The following ANXA8 variants were observed in gnomAD, a reference collection of about 807,000 sequenced individuals.
ANXA8 encodes the protein VAC-beta.
ANXA8 carries 9 observed loss-of-function variants against 26.8 expected under a neutral mutation model. That is an observed-to-expected ratio of 0.34 (90% CI 0.20 to 0.59). The LOEUF is 0.59. Ranked by LOEUF, ANXA8 falls within the 20% of genes least tolerant of loss-of-function variation. The probability of loss-of-function intolerance (pLI) is 0.84; values close to 1 mark genes in which losing one functional copy is unlikely to be tolerated. For synonymous variants in ANXA8, 39 were observed against 94.8 expected, an observed-to-expected ratio of 0.41 and a Z score of 3.42; for missense variants, 83 against 238.5, an observed-to-expected ratio of 0.35 and a Z score of 4.29.
the ANXA8 span, among the ~76,000 whole-genome samples, chr10:47,670,459 G>A: frequency 2.6e-5 from 4 of 152,092 alleles, no homozygotes; most frequent in Non-Finnish European, 4.4e-5. Context: ...CTCAGTGACT[G>A]TACCATTTTA....
the ANXA8 span, among the ~76,000 whole-genome samples, chr10:47,613,418 GAGA>G: frequency 8.2e-6 from 1 of 121,474 alleles, no homozygotes; most frequent in East Asian, 2.1e-4. Context: ...ATCTGTATTG[GAGA>G]AGATGATAAA....
At chr10:47,577,224 C>CA in the ANXA8 span, among the ~76,000 whole-genome samples, 1,163 of 110,764 alleles carry the variant, frequency 0.01, 11 homozygotes, top group East Asian at 0.074. Flanking sequence ...GACTCCATCT[C>CA]AAAAAAAAAA....
the ANXA8 span, chr10:47,491,566 C>T: frequency 2.0e-6 from 3 of 1,494,738 alleles, no homozygotes; most frequent in Non-Finnish European, 2.7e-6. Context: ...CCCCAGATCC[C>T]CCCAGCCCAG....
chr10:47,563,841 A>C, the ANXA8 span, among the ~76,000 whole-genome samples: 1 of 151,954 alleles, frequency 6.6e-6, no homozygotes, highest in Non-Finnish European at 1.5e-5. Context: ...ATTACTCTAA[A>C]TTAAGATATA....
chr10:47,733,125 G>A, the ANXA8 span, among the ~76,000 whole-genome samples: 1 of 150,022 alleles, frequency 6.7e-6, no homozygotes, highest in Non-Finnish European at 1.5e-5. Flanking sequence ...TAAATTACCT[G>A]GTTACCCCAA....
chr10:47,587,213 A>AT, the ANXA8 span, among the ~76,000 whole-genome samples: 44 of 146,294 alleles, frequency 3.0e-4, no homozygotes, highest in African/African-American at 6.6e-4. Flanking sequence ...CAAAAAAAAA[A>AT]AAAATAAAAA....
chr10:47,491,541 C>T, the ANXA8 span: 1 of 1,384,930 alleles, frequency 7.2e-7, no homozygotes, highest in Middle Eastern at 2.6e-4. Flanking sequence ...ATCCGCCTCC[C>T]ACAGACCCAG....
At chr10:47,639,406 G>T in the ANXA8 span, among the ~76,000 whole-genome samples, 1 of 151,902 alleles carries the variant, frequency 6.6e-6, no homozygotes, top group African/African-American at 2.4e-5. Flanking sequence ...TTCGCCTCCC[G>T]GGTTCACGCC....
the ANXA8 span, among the ~76,000 whole-genome samples, chr10:47,498,281 C>G: frequency 4.4e-4 from 66 of 148,744 alleles, 1 homozygote; most frequent in African/African-American, 1.6e-3. Flanking sequence ...GCTTATTTCA[C>G]TTAGCGTAAT....
chr10:47,511,039 G>A, the ANXA8 span, among the ~76,000 whole-genome samples: 2 of 126,460 alleles, frequency 1.6e-5, no homozygotes, highest in Admixed American at 8.2e-5. Context: ...CGCCTCCCGG[G>A]TTCACGCCAT....
chr10:47,700,198 A>T, the ANXA8 span, among the ~76,000 whole-genome samples: 2 of 151,876 alleles, frequency 1.3e-5, no homozygotes, highest in South Asian at 2.1e-4. Flanking sequence ...CTAGGAAAAG[A>T]CTGACAAAGG....
At chr10:47,734,975 C>T in the ANXA8 span, among the ~76,000 whole-genome samples, 11 of 121,670 alleles carry the variant, frequency 9.0e-5, 1 homozygote, top group Middle Eastern at 4.0e-3. Flanking sequence ...GCTGAGATCA[C>T]GCCAGTTCAA....
At chr10:47,730,237 T>G in the ANXA8 span, 2 of 516,074 alleles carry the variant, frequency 3.9e-6, no homozygotes, top group African/African-American at 2.8e-5. Context: ...TCTTCTGCAG[T>G]TCCTTCCTCA....
the ANXA8 span, among the ~76,000 whole-genome samples, chr10:47,743,376 A>G: frequency 0.021 from 842 of 40,812 alleles, 41 homozygotes; most frequent in Non-Finnish European, 0.032. Flanking sequence ...ATATACATAT[A>G]TATGTGTGTG....
the ANXA8 span, among the ~76,000 whole-genome samples, chr10:47,736,864 A>C: frequency 6.6e-6 from 1 of 150,746 alleles, no homozygotes; most frequent in African/African-American, 2.4e-5. Context: ...CATGTTGGCC[A>C]GGCTAGTCTT....
the ANXA8 span, among the ~76,000 whole-genome samples, chr10:47,723,248 A>C: frequency 3.6e-5 from 2 of 54,806 alleles, no homozygotes; most frequent in Admixed American, 2.4e-4. Flanking sequence ...TTACTAGCCT[A>C]TAAAGACAGT....
At chr10:47,771,794 T>A in the ANXA8 span, among the ~76,000 whole-genome samples, 1 of 150,780 alleles carries the variant, frequency 6.6e-6, no homozygotes, top group Non-Finnish European at 1.5e-5. Flanking sequence ...GCCAGGCTGA[T>A]CTTGAACTCC....
the ANXA8 span, among the ~76,000 whole-genome samples, chr10:47,949,300 T>C: frequency 2.0e-5 from 3 of 148,872 alleles, no homozygotes; most frequent in South Asian, 6.3e-4. Context: ...GTCCATGGCA[T>C]GATCTAGCAA....
chr10:47,545,061 T>TTTTGTTTG, the ANXA8 span, among the ~76,000 whole-genome samples: 378 of 19,732 alleles, frequency 0.019, no homozygotes, highest in Non-Finnish European at 0.024. Flanking sequence ...TCTTCAGTCT[T>TTTTGTTTG]TTTGTTTGTT....
Sources: allele counts gnomAD v4.1 joint callset (sites outside exome capture counted in the v4.1 genomes callset), GRCh38; gene constraint gnomAD v4.1.1; transcripts MANE v1.5; gene names NCBI Gene and HGNC (gene_info 2026-07-23, HGNC 2026-07-21).